Variants in FAM193A observed in about 807,000 individuals in gnomAD.
FAM193A encodes protein FAM193A.
A neutral mutation model predicts 126.5 loss-of-function variants in FAM193A; 22 were observed. That is an observed-to-expected ratio of 0.17 (90% CI 0.12 to 0.25). FAM193A has a LOEUF of 0.25. FAM193A is among the 10% of genes least tolerant of loss of function. The pLI is 1.00. For synonymous variants in FAM193A, 761 were observed against 646.8 expected, an observed-to-expected ratio of 1.18 and a Z score of -2.68; for missense variants, 1,675 against 1,672.8, an observed-to-expected ratio of 1.00 and a Z score of -0.02.
At chr4:2,713,135 T>G (rs937132097) in intron 19 of FAM193A, among the ~76,000 whole-genome samples, 3 of 141,370 alleles carry the variant, frequency 2.1e-5, no homozygotes, top group Non-Finnish European at 3.1e-5. Context: ...GTCCAGGTGC[T>G]GTGGCTCACG....
At chr4:2,672,007 A>G in intron 12 of FAM193A, 114 bp from the exon 13 acceptor site, 1 of 1,168,152 alleles carries the variant, frequency 8.6e-7, no homozygotes, top group Non-Finnish European at 1.2e-6. Flanking sequence ...GGTGTCAGGA[A>G]AAGCCCACTT....
In FAM193A at chr4:2,732,022, C is replaced by T. The variant is rs538121018; in HGVS notation, c.*154C>T. 15 of 672,206 alleles carry T rather than the reference C, an allele frequency of 2.2e-5. No individual in the cohort carries two copies. Among genetic ancestry groups the T allele is most frequent in the African/African-American group, 1.2e-4 (7 of 56,806 alleles). 41.6% of individuals were successfully genotyped at this position (672,206 alleles called of 1,614,324 possible). A position where few individuals can be genotyped will look rare whatever the true frequency, so the allele number is the denominator to read the frequency against. ...AACCCCAGACCGAGAAGTTGATGCT[C>T]GGCCCACGCCGTTAGCTCGTGTGCG... is the stretch of plus-strand genomic sequence containing the variant. On this transcript the variant is annotated 3_prime_UTR_variant, in exon 21 of 21. Transcript: ENST00000637812.
At position 2,700,316 on chromosome 4, in the gene FAM193A, T is replaced by TC. The variant is rs774655327; in HGVS notation, c.4146dup (p.Ile1383HisfsTer14). ...AAAGGCTAAGGTGGTCGACCTCATG[T>TC]CCATCACAGAGCAGAAAAGAGAGGA... On this transcript the variant is annotated frameshift_variant, in exon 19 of 21. Coordinates refer to ENST00000637812, the MANE Select transcript of FAM193A (RefSeq NM_001366318.2). LOFTEE classifies it high-confidence loss of function. 1 of 1,613,904 alleles carries TC rather than the reference T, an allele frequency of 6.2e-7. No individual in the cohort carries two copies. The highest frequency in any genetic ancestry group is 1.1e-5 in the South Asian group (1 of 91,066).
rs962259700 is a variant in FAM193A, at chr4:2,600,046, C to T, written c.501+3717C>T. 1.6e-4 allele frequency among the ~76,000 whole-genome samples: 25 copies of T among 152,262 alleles called. 1 individual carries two copies. The highest frequency in any genetic ancestry group is 3.4e-3 in the Middle Eastern group (1 of 294). ...TCCCGAGTACCGGGGACTATAGGCGCGCAACACCACACCTGGCTGATCTTT... is the reference window on the plus strand; with the variant it reads ...TCCCGAGTACCGGGGACTATAGGCGTGCAACACCACACCTGGCTGATCTTT... On this transcript the variant is annotated intron_variant, in intron 2 of 20. Coordinates refer to ENST00000637812, the MANE Select transcript of FAM193A (RefSeq NM_001366318.2).
At chr4:2,645,658 C>T (rs1016694942) in intron 6 of FAM193A, among the ~76,000 whole-genome samples, 4 of 152,124 alleles carry the variant, frequency 2.6e-5, no homozygotes, top group African/African-American at 9.7e-5. Context: ...TCCTGAGTAG[C>T]TGGGATTACA....
chr4:2,685,488 T>C (rs1715632478), intron 13 of FAM193A, among the ~76,000 whole-genome samples: 2 of 152,358 alleles, frequency 1.3e-5, no homozygotes, highest in East Asian at 1.9e-4. Context: ...CATGTTCTTT[T>C]AGAGCTGAGA....
chr4:2,605,780 T>C (rs920272942), intron 2 of FAM193A, among the ~76,000 whole-genome samples: 8 of 152,052 alleles, frequency 5.3e-5, no homozygotes, highest in African/African-American at 1.9e-4. Flanking sequence ...GAGACCAGCC[T>C]GGCCAACATG....
At chr4:2,567,096 T>C (rs1276995694) in intron 1 of FAM193A, among the ~76,000 whole-genome samples, 3 of 151,200 alleles carry the variant, frequency 2.0e-5, no homozygotes, top group Non-Finnish European at 4.4e-5. Context: ...CCCGCCACCA[T>C]GCCCGGCTCA....
intron 13 of FAM193A, among the ~76,000 whole-genome samples, chr4:2,677,905 C>T (rs1310737548): frequency 1.3e-5 from 2 of 152,168 alleles, no homozygotes; most frequent in Non-Finnish European, 2.9e-5. Context: ...TATGTACATT[C>T]TAACAGTATT....
At position 2,610,261 on chromosome 4, in the gene FAM193A, A is replaced by G. The variant is rs71608217; in HGVS notation, c.501+13932A>G. 9.0e-3 allele frequency among the ~76,000 whole-genome samples: 1,369 copies of G among 152,144 alleles called. 13 individuals carry two copies. The highest frequency in any genetic ancestry group is 0.025 in the South Asian group (119 of 4,814). On this transcript the variant is annotated intron_variant, in intron 2 of 20. Coordinates refer to ENST00000637812, the MANE Select transcript of FAM193A (RefSeq NM_001366318.2). ...CAAAACAAAACAAAAAAAACTCGCT[A>G]GTATTTGTCATTATCTTGAATTGTT...
intron 2 of FAM193A, among the ~76,000 whole-genome samples, chr4:2,604,446 A>G (rs1196633236): frequency 6.6e-6 from 1 of 152,138 alleles, no homozygotes; most frequent in African/African-American, 2.4e-5. Flanking sequence ...CCTACTATGA[A>G]TGTGTCTTTT....
intron 5 of FAM193A, among the ~76,000 whole-genome samples, chr4:2,632,432 C>G (rs1036799288): frequency 1.3e-5 from 2 of 151,924 alleles, no homozygotes; most frequent in African/African-American, 4.8e-5. Context: ...ATTAACCAGG[C>G]GTGATGACGC....
In FAM193A at chr4:2,630,919, C is replaced by T. The variant is rs777319424; in HGVS notation, c.804-16C>T. 1 of 1,483,338 alleles carries T rather than the reference C, an allele frequency of 6.7e-7. No homozygotes were observed. The highest frequency in any genetic ancestry group is 9.4e-7 in the Non-Finnish European group (1 of 1,067,056). 91.9% of individuals were successfully genotyped at this position (1,483,338 alleles called of 1,614,324 possible). A position where few individuals can be genotyped will look rare whatever the true frequency, so the allele number is the denominator to read the frequency against. ...GCCCTGGTGGGCAGGCCCTGGTGAC[C>T]CTCTTCTCTGTGCAGGCTCTGCGAG... On this transcript the variant is annotated splice_polypyrimidine_tract_variant and intron_variant, in intron 4 of 20. Transcript: ENST00000637812.
At chr4:2,670,736 A>G (rs1246350491) in intron 12 of FAM193A, among the ~76,000 whole-genome samples, 1 of 152,162 alleles carries the variant, frequency 6.6e-6, no homozygotes, top group African/African-American at 2.4e-5. Flanking sequence ...TTGGGATTAC[A>G]GGTGTGAGCC....
intron 1 of FAM193A, among the ~76,000 whole-genome samples, chr4:2,548,015 GTTTA>G (rs1737674789): frequency 6.7e-6 from 1 of 150,218 alleles, no homozygotes; most frequent in Non-Finnish European, 1.5e-5. Flanking sequence ...TGTTTCCTGT[GTTTA>G]TTTGCCATTC....
intron 13 of FAM193A, among the ~76,000 whole-genome samples, chr4:2,674,327 G>A (rs531296012): frequency 5.9e-5 from 9 of 152,216 alleles, no homozygotes; most frequent in Non-Finnish European, 1.3e-4. Flanking sequence ...TGCATAATGC[G>A]TTAGCAGCCC....
intron 20 of FAM193A, among the ~76,000 whole-genome samples, chr4:2,721,312 CAAAAAAAAAAAAA>C (rs56875674): frequency 8.6e-5 from 6 of 70,012 alleles, no homozygotes; most frequent in African/African-American, 1.3e-4. Flanking sequence ...GACTCCGTCT[CAAAAAAAAAAAAA>C]AAAAAAAAAA....
chr4:2,552,911 A>T (rs1381441823), intron 1 of FAM193A, among the ~76,000 whole-genome samples: 1 of 139,054 alleles, frequency 7.2e-6, no homozygotes, highest in East Asian at 2.1e-4. Flanking sequence ...GCAGTGGTGC[A>T]GTCTTGGCTC....
intron 13 of FAM193A, among the ~76,000 whole-genome samples, chr4:2,688,036 C>G (rs758125543): frequency 6.6e-6 from 1 of 152,182 alleles, no homozygotes; most frequent in African/African-American, 2.4e-5. Flanking sequence ...AAAGAATTCA[C>G]TACTCATTTC....
Sources: gnomAD v4.1 joint callset for allele counts (sites outside exome capture counted in the v4.1 genomes callset) on GRCh38, gnomAD v4.1.1 for gene constraint, MANE v1.5 for transcripts, NCBI Gene and HGNC (gene_info 2026-07-23, HGNC 2026-07-21) for gene names.